Variants in DGKH observed in about 807,000 individuals in gnomAD.
The protein encoded by DGKH is diacylglycerol kinase eta.
DGKH carries 90 observed loss-of-function variants against 159.3 expected under a neutral mutation model. That is an observed-to-expected ratio of 0.57 (90% CI 0.48 to 0.67). The LOEUF (loss-of-function observed/expected upper bound fraction) is 0.67, where lower values mean the gene tolerates loss of function less well. DGKH is among the 30% of genes least tolerant of loss of function. The pLI, the probability that DGKH is intolerant of heterozygous loss-of-function variation, is 0.00. For synonymous variants in DGKH, 536 were observed against 553.8 expected, an observed-to-expected ratio of 0.97 and a Z score of 0.45; for missense variants, 1,181 against 1,506.1, an observed-to-expected ratio of 0.78 and a Z score of 3.57.
chr13:42,225,150 TG>T, intron 29 of DGKH: 1 of 723,614 alleles, frequency 1.4e-6, no homozygotes, highest in Non-Finnish European at 2.2e-6. Context: ...CTTGAACTCC[TG>T]GCCTCAAGAG....
In DGKH at chr13:42,168,667, A is replaced by G. The variant is rs1490353358; in HGVS notation, c.1228-12A>G. The G allele has an allele frequency of 1.2e-6, 2 of 1,614,200 alleles. No homozygotes were observed. Among genetic ancestry groups the G allele is most frequent in the South Asian group, 1.1e-5 (1 of 91,078 alleles). On this transcript the variant is annotated splice_polypyrimidine_tract_variant and intron_variant, in intron 10 of 29. Coordinates refer to ENST00000337343, the MANE Select transcript of DGKH (RefSeq NM_178009.5). ...ACTTGTCTGAAAGTCACCCTGTTGCACTGTCTTTCAGTGTCAGCTGGGAGT... is the reference window on the plus strand; with the variant it reads ...ACTTGTCTGAAAGTCACCCTGTTGCGCTGTCTTTCAGTGTCAGCTGGGAGT...
At chr13:42,045,849 C>A (rs1450897478), upstream of DGKH, among the ~76,000 whole-genome samples, 2 of 152,294 alleles carry the variant, frequency 1.3e-5, no homozygotes, top group African/African-American at 4.8e-5. Context: ...TATAAAACCC[C>A]TTTTGTTATG....
intron 30 of DGKH, chr13:42,256,125 C>A: frequency 8.5e-7 from 1 of 1,179,128 alleles, no homozygotes; most frequent in Non-Finnish European, 1.3e-6. Context: ...GTGAACCCTA[C>A]TCAGTGTGAA....
At chr13:42,119,349 A>G (rs1422009113) in intron 1 of DGKH, among the ~76,000 whole-genome samples, 3 of 152,244 alleles carry the variant, frequency 2.0e-5, no homozygotes, top group Non-Finnish European at 4.4e-5. Context: ...TTAGAGTAAC[A>G]AAAGACTAGC....
Position 42,160,042 on chromosome 13 carries a change from AC to A in DGKH, c.763del (p.Leu255CysfsTer3). On this transcript the variant is annotated frameshift_variant, in exon 7 of 30. Transcript: ENST00000337343. LOFTEE classifies it high-confidence loss of function. The part of the protein sequence containing the change: ...VAMPHQWLEG[N>X]LPVSAKCAVC... ...ATGCCTCACCAGTGGCTTGAGGGCA[AC>A]CTGCCTGTAAGTGCCAAGTGTGCTG... The A allele has an allele frequency of 6.2e-7, 1 of 1,613,968 alleles. No homozygotes were observed. The highest frequency in any genetic ancestry group is 2.2e-5 in the East Asian group (1 of 44,878).
chr13:42,145,364 A>G (rs1039599920), intron 3 of DGKH, among the ~76,000 whole-genome samples: 4 of 151,976 alleles, frequency 2.6e-5, no homozygotes, highest in African/African-American at 9.7e-5. Context: ...TTAGTTGTTT[A>G]TTTTGTCGGT....
At chr13:42,116,817 A>C (rs1258946572) in intron 1 of DGKH, among the ~76,000 whole-genome samples, 1 of 152,254 alleles carries the variant, frequency 6.6e-6, no homozygotes, top group East Asian at 1.9e-4. Context: ...AAGGGCATGA[A>C]ATGAGCAATT....
chr13:42,065,794 T>C (rs1026045805), intron 1 of DGKH, among the ~76,000 whole-genome samples: 3 of 152,218 alleles, frequency 2.0e-5, no homozygotes, highest in African/African-American at 7.2e-5. Flanking sequence ...ATTATTGTCA[T>C]CATTGTAACC....
rs933452767 is a variant in DGKH at position 42,238,002 on chromosome 13, C to G, written c.*8814C>G. On this transcript the variant is annotated 3_prime_UTR_variant, in exon 30 of 30. Coordinates refer to ENST00000337343, the MANE Select transcript of DGKH (RefSeq NM_178009.5). ...AATTCACAATACCTAGAGATGGGAA[C>G]ATGGTTTAGGTTTATCCAGTTCTGT... The G allele has an allele frequency of 6.6e-6, 1 of 152,144 alleles. No homozygotes were observed. Among genetic ancestry groups the G allele is most frequent in the East Asian group, 1.9e-4 (1 of 5,200 alleles). The allele number at this position is 152,144 out of a possible 1,614,324, so 9.4% of individuals were successfully genotyped here.
At chr13:42,084,515 T>G (rs1954266362) in intron 1 of DGKH, among the ~76,000 whole-genome samples, 1 of 152,160 alleles carries the variant, frequency 6.6e-6, no homozygotes, top group African/African-American at 2.4e-5. Context: ...GTTTTATAAT[T>G]AAAAATTTTA....
intron 1 of DGKH, among the ~76,000 whole-genome samples, chr13:42,083,534 A>G (rs913604596): frequency 4.6e-5 from 7 of 152,194 alleles, no homozygotes; most frequent in African/African-American, 1.4e-4. Flanking sequence ...TCCTGGCGCC[A>G]TTTTATCTAG....
At chr13:42,216,043 C>G (rs347405) in intron 26 of DGKH, among the ~76,000 whole-genome samples, 76,941 of 152,158 alleles carry the variant, frequency 0.51, 20,484 homozygotes, top group East Asian at 0.76. Flanking sequence ...TTGAATATGA[C>G]TGGTATGGTC....
chr13:42,130,996 G>A (rs895871497), intron 3 of DGKH, among the ~76,000 whole-genome samples: 2 of 151,774 alleles, frequency 1.3e-5, no homozygotes, highest in Admixed American at 1.3e-4. Flanking sequence ...GCTTTGACAC[G>A]TCCTATACTG....
intron 3 of DGKH, among the ~76,000 whole-genome samples, chr13:42,144,833 AG>A (rs1955679854): frequency 6.6e-6 from 1 of 152,234 alleles, no homozygotes; most frequent in African/African-American, 2.4e-5. Flanking sequence ...TGGTTCCATT[AG>A]ACAGTAAAAT....
At chr13:42,200,355 A>G (rs1957317879) in intron 20 of DGKH, among the ~76,000 whole-genome samples, 1 of 152,222 alleles carries the variant, frequency 6.6e-6, no homozygotes, top group East Asian at 1.9e-4. Flanking sequence ...TAAAATTAAA[A>G]GAGATTTTGA....
At chr13:42,090,598 A>G (rs1248976469) in intron 1 of DGKH, among the ~76,000 whole-genome samples, 3 of 152,202 alleles carry the variant, frequency 2.0e-5, no homozygotes, top group Non-Finnish European at 1.5e-5. Flanking sequence ...CCATACACAT[A>G]TGGTCTAATG....
At chr13:42,080,591 G>A (rs971015024) in intron 1 of DGKH, among the ~76,000 whole-genome samples, 4 of 152,206 alleles carry the variant, frequency 2.6e-5, no homozygotes, top group Non-Finnish European at 5.9e-5. Context: ...TCCTCGAAGA[G>A]TTTTAGATTC....
At chr13:42,194,863 A>C (rs773439238) in intron 16 of DGKH, 22 bp from the exon 17 acceptor site, 6 of 1,604,796 alleles carry the variant, frequency 3.7e-6, no homozygotes, top group Non-Finnish European at 5.1e-6. Flanking sequence ...ATCTCTTTTT[A>C]ATCTGGACTT....
intron 1 of DGKH, among the ~76,000 whole-genome samples, chr13:42,095,156 C>CTTTTTTTTTTTTTTTTTTTTTTTT (rs776422302): frequency 1.3e-5 from 1 of 76,814 alleles, no homozygotes; most frequent in Non-Finnish European, 2.3e-5. Context: ...ATGTTGACTC[C>CTTTTTTTTTTTTTTTTTTTTTTTT]TTTTTTTTTT....
Sources: gnomAD v4.1 joint callset for allele counts (sites outside exome capture counted in the v4.1 genomes callset) on GRCh38, gnomAD v4.1.1 for gene constraint, MANE v1.5 for transcripts, NCBI Gene and HGNC (gene_info 2026-07-23, HGNC 2026-07-21) for gene names.